The following SMOC2 variants were observed in gnomAD, a reference collection of about 807,000 sequenced individuals.
SMOC2 encodes SPARC-related modular calcium-binding protein 2.
In SMOC2, 39 loss-of-function variants were observed where a neutral mutation model predicts 61.4. That is an observed-to-expected ratio of 0.64 (90% CI 0.49 to 0.83). The LOEUF (loss-of-function observed/expected upper bound fraction) is 0.83. SMOC2 is among the 40% of genes least tolerant of loss of function. SMOC2 has a pLI of 0.00. For synonymous variants in SMOC2, 247 were observed against 239.9 expected (o/e 1.03, Z -0.27); for missense variants, 556 against 592.9 (o/e 0.94, Z 0.65).
At chr6:168,488,935 C>G (rs1223020504) in intron 1 of SMOC2, among the ~76,000 whole-genome samples, 1 of 151,252 alleles carries the variant, frequency 6.6e-6, no homozygotes, top group African/African-American at 2.4e-5. Flanking sequence ...TCGTCTGGGT[C>G]CCCTTGCATC....
chr6:168,581,283 A>G (rs953729663), intron 7 of SMOC2, among the ~76,000 whole-genome samples: 1 of 152,198 alleles, frequency 6.6e-6, no homozygotes, highest in East Asian at 1.9e-4. Context: ...TGAAGACAAC[A>G]TGCGTAAAAA....
intron 12 of SMOC2, chr6:168,664,497 C>T (rs890647465): frequency 1.5e-5 from 6 of 399,552 alleles, no homozygotes; most frequent in African/African-American, 4.3e-5. Flanking sequence ...TACAGGCATG[C>T]GCCACCGTAC....
intron 2 of SMOC2, among the ~76,000 whole-genome samples, chr6:168,513,081 CT>C (rs1310919435): frequency 1.3e-5 from 2 of 152,170 alleles, no homozygotes; most frequent in Non-Finnish European, 2.9e-5. Flanking sequence ...CATTCTTTCA[CT>C]GAATTATATA....
chr6:168,598,821 C>T lies in SMOC2; in HGVS notation c.641C>T (p.Ser214Leu), dbSNP rs1475770628. 6.2e-7 allele frequency: 1 copy of T among 1,613,592 alleles called. No homozygotes were observed. The highest frequency in any genetic ancestry group is 2.2e-5 in the East Asian group (1 of 44,876). The change falls in exon 8 of 13, where the codon TCA becomes TTA. Residue 214 changes from serine (S) to leucine (L), a missense_variant. Ser to Leu is a moderately radical substitution (Grantham distance 145, BLOSUM62 -2). Transcript: ENST00000356284. ...RQNKTNKNSVSSCDQEHQSAL... is the reference protein window; with the variant it reads ...RQNKTNKNSVLSCDQEHQSAL... ...TTTGCCTTCTTCTTCCCCGCAGTGT[C>T]ATCCTGTGACCAAGAGCACCAGTCT...
chr6:168,528,674 A>T (rs937253186), intron 4 of SMOC2, among the ~76,000 whole-genome samples: 1 of 152,270 alleles, frequency 6.6e-6, no homozygotes, highest in South Asian at 2.1e-4. Flanking sequence ...GGGTGTCCAC[A>T]GTCAGCAATG....
intron 2 of SMOC2, among the ~76,000 whole-genome samples, chr6:168,517,283 G>A (rs1783163023): frequency 6.6e-6 from 1 of 152,224 alleles, no homozygotes; most frequent in Non-Finnish European, 1.5e-5. Context: ...CTGCCCCTGT[G>A]GCCAGCGGCG....
intron 1 of SMOC2, among the ~76,000 whole-genome samples, chr6:168,507,334 G>A (rs1208832197): frequency 2.6e-5 from 4 of 152,150 alleles, no homozygotes; most frequent in Non-Finnish European, 4.4e-5. Flanking sequence ...TGTTTGAAAC[G>A]AAGGCACCTG....
In SMOC2 at chr6:168,600,434, C is replaced by CA. The variant is rs965875287; in HGVS notation, c.824+1441dup. On this transcript the variant is annotated intron_variant, in intron 8 of 12. Transcript: ENST00000356284. ...AAAAAAAAAAAAACAAAAAAAAAAACAAAAAAAAAAACAGTAGTTTCAACT... is the reference window on the plus strand; with the variant it reads ...AAAAAAAAAAAAACAAAAAAAAAAACAAAAAAAAAAAACAGTAGTTTCAACT... 1.9e-3 allele frequency among the ~76,000 whole-genome samples: 47 copies of CA among 25,362 alleles called. 3 individuals are homozygous for CA. The highest frequency in any genetic ancestry group is 5.4e-3 in the South Asian group (6 of 1,114). 16.6% of individuals were successfully genotyped at this position (25,362 alleles called of 152,430 possible).
Position 168,441,312 on chromosome 6 carries a change from G to A in SMOC2, c.-59G>A. On this transcript the variant is annotated 5_prime_UTR_variant, in exon 1 of 13. Transcript: ENST00000356284. ...CCGCGCTCGCCCACTGGGCTCTCCC[G>A]GCTGCAGTGCCAGGGCGCAGGACGC... The A allele has an allele frequency of 6.9e-7, 1 of 1,444,794 alleles. No individual in the cohort carries two copies. Among genetic ancestry groups the A allele is most frequent in the South Asian group, 1.3e-5 (1 of 75,850 alleles). The allele number at this position is 1,444,794 out of a possible 1,614,324, so 89.5% of individuals were successfully genotyped here. A position where few individuals can be genotyped will look rare whatever the true frequency, so the allele number is the denominator to read the frequency against.
intron 11 of SMOC2, among the ~76,000 whole-genome samples, chr6:168,657,889 A>G (rs1201169275): frequency 6.6e-6 from 1 of 152,150 alleles, no homozygotes; most frequent in South Asian, 2.1e-4. Flanking sequence ...CAGACCTCTT[A>G]AACCTCCCAA....
chr6:168,570,033 G>A (rs1317804480), intron 7 of SMOC2, among the ~76,000 whole-genome samples: 4 of 151,900 alleles, frequency 2.6e-5, no homozygotes, highest in Non-Finnish European at 2.9e-5. Flanking sequence ...TATTAAAGGC[G>A]TAAGGTCCGT....
At chr6:168,578,712 C>A (rs978209956) in intron 7 of SMOC2, among the ~76,000 whole-genome samples, 1 of 152,204 alleles carries the variant, frequency 6.6e-6, no homozygotes, top group Non-Finnish European at 1.5e-5. Context: ...AAAGACCTAA[C>A]GTAGCAGCTT....
chr6:168,569,876 G>T (rs779231318), intron 7 of SMOC2, among the ~76,000 whole-genome samples: 1 of 152,190 alleles, frequency 6.6e-6, no homozygotes, highest in South Asian at 2.1e-4. Flanking sequence ...GTTTATCAAT[G>T]ATTTCTTTCA....
At chr6:168,630,480 C>T (rs144742318) in intron 9 of SMOC2, among the ~76,000 whole-genome samples, 3 of 152,188 alleles carry the variant, frequency 2.0e-5, no homozygotes, top group Non-Finnish European at 2.9e-5. Context: ...TCCTGTCAGC[C>T]GAGGAGGATG....
chr6:168,462,762 C>T (rs1039507297), intron 1 of SMOC2, among the ~76,000 whole-genome samples: 2 of 152,116 alleles, frequency 1.3e-5, no homozygotes, highest in Non-Finnish European at 2.9e-5. Flanking sequence ...CTCCATGTGT[C>T]GAGGTGGTGC....
chr6:168,517,345 G>A (rs192447810), intron 2 of SMOC2, among the ~76,000 whole-genome samples: 1 of 152,362 alleles, frequency 6.6e-6, no homozygotes, highest in East Asian at 1.9e-4. Context: ...ACCTTCCCAG[G>A]CCTTCTCAAG....
intron 2 of SMOC2, among the ~76,000 whole-genome samples, chr6:168,522,719 T>C (rs537538632): frequency 3.9e-5 from 6 of 152,200 alleles, no homozygotes; most frequent in East Asian, 3.9e-4. Context: ...TATGATTACA[T>C]TGATGTACCA....
intron 9 of SMOC2, among the ~76,000 whole-genome samples, chr6:168,645,147 C>A (rs1469838966): frequency 6.6e-6 from 1 of 152,140 alleles, no homozygotes; most frequent in African/African-American, 2.4e-5. Context: ...AAATTCTCAG[C>A]GCCTTTCTTA....
chr6:168,661,354 G>A (rs144986180), intron 11 of SMOC2, among the ~76,000 whole-genome samples: 377 of 152,230 alleles, frequency 2.5e-3, no homozygotes, highest in African/African-American at 7.4e-3. Context: ...GCTCATGCCT[G>A]TAATCCCAGC....
Sources: gnomAD v4.1 joint callset for allele counts (sites outside exome capture counted in the v4.1 genomes callset) on GRCh38, gnomAD v4.1.1 for gene constraint, MANE v1.5 for transcripts, NCBI Gene and HGNC (gene_info 2026-07-23, HGNC 2026-07-21) for gene names.